Variants in WWOX observed in about 807,000 individuals in gnomAD.
The protein encoded by WWOX is WW domain-containing oxidoreductase.
WWOX carries 69 observed loss-of-function variants against 46.2 expected under a neutral mutation model. The observed-to-expected ratio is 1.49, with a 90% CI of 1.23 to 1.82. The LOEUF (loss-of-function observed/expected upper bound fraction) is 1.82. Ranked by LOEUF, WWOX falls within the 40% of genes most tolerant of loss-of-function variation. The pLI is 0.00. For missense variants in WWOX, 919 were observed against 542.6 expected (o/e 1.69, Z -6.89); for synonymous variants, 359 against 202.6 (o/e 1.77, Z -6.56).
intron 8 of WWOX, chr16:78,691,213 A>C: frequency 1.4e-6 from 1 of 702,034 alleles, no homozygotes; most frequent in East Asian, 2.7e-5. Context: ...CTAGAATTTT[A>C]GCTATGCTTC....
chr16:78,333,580 C>G (rs1215623021), intron 5 of WWOX, among the ~76,000 whole-genome samples: 2 of 152,086 alleles, frequency 1.3e-5, no homozygotes, highest in African/African-American at 4.8e-5. Context: ...TCTGCTAAAA[C>G]ATGCATATAT....
At chr16:78,975,720 A>T (rs1254030318) in intron 8 of WWOX, among the ~76,000 whole-genome samples, 1 of 152,150 alleles carries the variant, frequency 6.6e-6, no homozygotes, top group African/African-American at 2.4e-5. Flanking sequence ...GGTTTTGTCC[A>T]TAGGCAACAC....
chr16:78,884,312 A>C (rs1216342102), intron 8 of WWOX, among the ~76,000 whole-genome samples: 2 of 151,454 alleles, frequency 1.3e-5, no homozygotes, highest in Non-Finnish European at 2.9e-5. Context: ...CATTTTTAAG[A>C]CTATGACTGG....
chr16:78,245,210 C>T (rs867121010), intron 5 of WWOX, among the ~76,000 whole-genome samples: 4 of 152,174 alleles, frequency 2.6e-5, no homozygotes, highest in African/African-American at 9.7e-5. Context: ...TCTAGACGGT[C>T]CTGAACAGTG....
At chr16:78,356,958 A>G (rs2081308026) in intron 5 of WWOX, among the ~76,000 whole-genome samples, 1 of 152,196 alleles carries the variant, frequency 6.6e-6, no homozygotes, top group Admixed American at 6.5e-5. Flanking sequence ...TAAATGGCCA[A>G]TTCCTAAATG....
intron 8 of WWOX, among the ~76,000 whole-genome samples, chr16:78,918,905 G>A (rs1299693813): frequency 6.6e-6 from 1 of 152,102 alleles, no homozygotes; most frequent in South Asian, 2.1e-4. Context: ...CCTATTCCAA[G>A]AACACAGAGG....
chr16:78,707,447 C>A (rs1453243745), intron 8 of WWOX, among the ~76,000 whole-genome samples: 2 of 152,198 alleles, frequency 1.3e-5, no homozygotes, highest in Non-Finnish European at 2.9e-5. Context: ...TGGACATCTT[C>A]TTGGGCTAGT....
At chr16:78,377,580 A>G (rs1033438072) in intron 5 of WWOX, among the ~76,000 whole-genome samples, 1 of 152,218 alleles carries the variant, frequency 6.6e-6, no homozygotes, top group East Asian at 1.9e-4. Flanking sequence ...TAAATGCACA[A>G]TCATGTTGAC....
chr16:79,130,235 A>T (rs1334665984), intron 8 of WWOX, among the ~76,000 whole-genome samples: 1 of 152,240 alleles, frequency 6.6e-6, no homozygotes, highest in South Asian at 2.1e-4. Context: ...TCAGTACCAC[A>T]TACAACAGAG....
At chr16:78,109,004 A>G (rs1048704215) in intron 2 of WWOX, among the ~76,000 whole-genome samples, 5 of 152,326 alleles carry the variant, frequency 3.3e-5, no homozygotes, top group East Asian at 1.9e-4. Flanking sequence ...AGCGACAACA[A>G]CAACAACAAA....
intron 8 of WWOX, among the ~76,000 whole-genome samples, chr16:78,690,001 C>T (rs552728315): frequency 6.6e-6 from 1 of 152,076 alleles, no homozygotes; most frequent in Non-Finnish European, 1.5e-5. Flanking sequence ...GCTGGGATTA[C>T]AGGTGCCCGC....
chr16:78,250,424 T>C (rs76053331), intron 5 of WWOX, among the ~76,000 whole-genome samples: 6 of 152,298 alleles, frequency 3.9e-5, no homozygotes, highest in East Asian at 1.9e-4. Context: ...ATTTTTTTTT[T>C]GGCAAGATTA....
intron 8 of WWOX, among the ~76,000 whole-genome samples, chr16:78,876,900 C>A (rs963043718): frequency 2.6e-5 from 4 of 152,120 alleles, no homozygotes; most frequent in African/African-American, 7.2e-5. Flanking sequence ...ACTCTGAATT[C>A]CTACAGGAAA....
chr16:78,879,759 C>T (rs144364531), intron 8 of WWOX, among the ~76,000 whole-genome samples: 1 of 152,108 alleles, frequency 6.6e-6, no homozygotes, highest in Non-Finnish European at 1.5e-5. Context: ...TGCCTGTAAT[C>T]CCAGCTACTT....
intron 8 of WWOX, among the ~76,000 whole-genome samples, chr16:78,857,217 A>G (rs150578824): frequency 1.3e-5 from 2 of 152,342 alleles, no homozygotes; most frequent in African/African-American, 4.8e-5. Flanking sequence ...ATGGGCAAAG[A>G]TAATGAACAA....
intron 8 of WWOX, among the ~76,000 whole-genome samples, chr16:78,508,237 C>G (rs936908731): frequency 6.6e-6 from 1 of 150,628 alleles, no homozygotes; most frequent in Non-Finnish European, 1.5e-5. Flanking sequence ...TCTTGAACTC[C>G]TGATCTCAGG....
intron 8 of WWOX, among the ~76,000 whole-genome samples, chr16:78,753,272 C>T (rs530963766): frequency 1.2e-3 from 187 of 152,078 alleles, no homozygotes; most frequent in African/African-American, 4.2e-3. Flanking sequence ...TACCCTCCAG[C>T]CTGGGCGACA....
intron 8 of WWOX, among the ~76,000 whole-genome samples, chr16:79,071,352 A>G (rs2048546980): frequency 6.6e-6 from 1 of 152,190 alleles, no homozygotes; most frequent in Admixed American, 6.5e-5. Context: ...TGTTAAAGGA[A>G]GCCAGAAAAG....
chr16:78,454,124 T>C (rs1468274031), intron 8 of WWOX, among the ~76,000 whole-genome samples: 1 of 152,192 alleles, frequency 6.6e-6, no homozygotes, highest in African/African-American at 2.4e-5. Flanking sequence ...TTCTAGAGTT[T>C]CTCGTTTCTT....
Sources: gnomAD v4.1 joint callset for allele counts (sites outside exome capture counted in the v4.1 genomes callset) on GRCh38, gnomAD v4.1.1 for gene constraint, MANE v1.5 for transcripts, NCBI Gene and HGNC (gene_info 2026-07-23, HGNC 2026-07-21) for gene names.